The following FOXP1 variants were observed in gnomAD, a reference collection of about 807,000 sequenced individuals.
FOXP1 encodes the protein forkhead box P1.
Under a neutral mutation model 98.2 loss-of-function variants are expected in FOXP1, and 15 were observed. The observed-to-expected ratio is 0.15, with a 90% CI of 0.10 to 0.24. The LOEUF (loss-of-function observed/expected upper bound fraction) is 0.24, where lower values mean the gene tolerates loss of function less well. Among genes scored for constraint, FOXP1 ranks in the 10% least tolerant of loss-of-function variants. The pLI is 1.00. For synonymous variants in FOXP1, 371 were observed against 314.5 expected, an observed-to-expected ratio of 1.18 and a Z score of -1.90; for missense variants, 633 against 848.5, an observed-to-expected ratio of 0.75 and a Z score of 3.15.
intron 6 of FOXP1, among the ~76,000 whole-genome samples, chr3:71,138,005 C>G (rs927965770): frequency 6.6e-6 from 1 of 152,088 alleles, no homozygotes; most frequent in Non-Finnish European, 1.5e-5. Context: ...ATATATTTAT[C>G]TTTTCACAGT....
chr3:71,033,349 T>C (rs1398161655), intron 11 of FOXP1, among the ~76,000 whole-genome samples: 2 of 152,114 alleles, frequency 1.3e-5, no homozygotes, highest in Admixed American at 1.3e-4. Context: ...ATTCATATTA[T>C]ACAACATCCT....
At chr3:71,412,352 G>A (rs2082815898) in intron 3 of FOXP1, among the ~76,000 whole-genome samples, 1 of 152,120 alleles carries the variant, frequency 6.6e-6, no homozygotes, top group Non-Finnish European at 1.5e-5. Flanking sequence ...TGGGGTGAAG[G>A]GCAGGTTTCT....
At chr3:71,532,261 A>G (rs2043915756) in intron 2 of FOXP1, among the ~76,000 whole-genome samples, 1 of 152,046 alleles carries the variant, frequency 6.6e-6, no homozygotes, top group Non-Finnish European at 1.5e-5. Flanking sequence ...CACCACACCC[A>G]AATTTTTGTA....
intron 5 of FOXP1, among the ~76,000 whole-genome samples, chr3:71,223,424 G>A (rs781258064): frequency 1.2e-4 from 19 of 152,030 alleles, no homozygotes; most frequent in Middle Eastern, 3.2e-3. Context: ...AGCCGGGTGC[G>A]GTGGCTCATG....
intron 6 of FOXP1, among the ~76,000 whole-genome samples, chr3:71,166,128 C>G (rs1391718258): frequency 6.6e-6 from 1 of 152,198 alleles, no homozygotes; most frequent in Non-Finnish European, 1.5e-5. Flanking sequence ...TACTTAGCGC[C>G]TCCTTGGCCC....
chr3:71,037,878 C>A (rs1471212343), intron 11 of FOXP1, among the ~76,000 whole-genome samples: 2 of 152,194 alleles, frequency 1.3e-5, no homozygotes, highest in African/African-American at 2.4e-5. Context: ...CTCTACCCTG[C>A]GCAACAGGGA....
intron 20 of FOXP1, among the ~76,000 whole-genome samples, chr3:70,962,362 A>G (rs1003679353): frequency 6.6e-6 from 1 of 152,224 alleles, no homozygotes; most frequent in African/African-American, 2.4e-5. Context: ...TAAATTTCTA[A>G]GAATGGAATT....
intron 6 of FOXP1, among the ~76,000 whole-genome samples, chr3:71,162,172 T>A (rs2061170942): frequency 6.6e-6 from 1 of 152,330 alleles, no homozygotes; most frequent in East Asian, 1.9e-4. Flanking sequence ...TACAATTTTT[T>A]AAAATTCTGC....
chr3:71,017,195 A>T (rs2107755817), intron 11 of FOXP1, among the ~76,000 whole-genome samples: 1 of 152,284 alleles, frequency 6.6e-6, no homozygotes, highest in East Asian at 1.9e-4. Context: ...GGACTCAAGG[A>T]AAGAATTACT....
At chr3:71,271,031 G>A (rs1023162843) in intron 5 of FOXP1, among the ~76,000 whole-genome samples, 5 of 152,224 alleles carry the variant, frequency 3.3e-5, no homozygotes, top group African/African-American at 1.2e-4. Flanking sequence ...AGGAGTTCAA[G>A]ACCAGCTTGG....
intron 5 of FOXP1, among the ~76,000 whole-genome samples, chr3:71,271,417 C>T (rs1279757904): frequency 6.6e-6 from 1 of 152,122 alleles, no homozygotes; most frequent in Admixed American, 6.6e-5. Context: ...CCCACCAATT[C>T]GGTGTGATCA....
At chr3:71,237,408 T>C (rs1317122098) in intron 5 of FOXP1, among the ~76,000 whole-genome samples, 2 of 152,134 alleles carry the variant, frequency 1.3e-5, no homozygotes, top group Non-Finnish European at 2.9e-5. Flanking sequence ...ATATGGCCTA[T>C]CTTGATTGGG....
rs551762583 is a variant in FOXP1 at position 71,046,168 on chromosome 3, A to G, written c.664+774T>C. ...AATAATCCATCTGCTTTCACATTAC[A>G]TATGTGAAAGTCAGAGTTGCTTAAA... On this transcript the variant is annotated intron_variant, in intron 10 of 20. Transcript: ENST00000649528. Among the ~76,000 whole-genome samples, 14 of 152,170 alleles carry G rather than the reference A, an allele frequency of 9.2e-5. 1 individual carries two copies. In the South Asian group the frequency reaches 2.7e-3, roughly 29 times the overall value.
chr3:71,363,402 T>G (rs1383803498), intron 3 of FOXP1, among the ~76,000 whole-genome samples: 1 of 152,208 alleles, frequency 6.6e-6, no homozygotes, highest in Non-Finnish European at 1.5e-5. Flanking sequence ...GCAACATTTC[T>G]TAAGTATGTA....
chr3:71,311,646 G>T (rs185866706), intron 4 of FOXP1, among the ~76,000 whole-genome samples: 2 of 152,292 alleles, frequency 1.3e-5, no homozygotes, highest in East Asian at 3.9e-4. Flanking sequence ...TACATTGTCA[G>T]TATAGCTGGA....
intron 3 of FOXP1, among the ~76,000 whole-genome samples, chr3:71,391,464 C>T (rs1043079049): frequency 2.0e-5 from 3 of 152,228 alleles, no homozygotes; most frequent in African/African-American, 4.8e-5. Flanking sequence ...TGATGTCTTT[C>T]CTTTCTTTCA....
intron 3 of FOXP1, among the ~76,000 whole-genome samples, chr3:71,414,037 C>T (rs960889120): frequency 6.6e-6 from 1 of 151,952 alleles, no homozygotes; most frequent in South Asian, 2.1e-4. Context: ...TCCTAGGCTG[C>T]GGAGGCTCAT....
chr3:71,088,606 T>A (rs1427325452), intron 7 of FOXP1, among the ~76,000 whole-genome samples: 2 of 152,190 alleles, frequency 1.3e-5, no homozygotes, highest in African/African-American at 4.8e-5. Context: ...TCTTGAACTT[T>A]CACCTGTCTA....
chr3:71,150,268 A>G (rs1051572431), intron 6 of FOXP1, among the ~76,000 whole-genome samples: 1 of 152,234 alleles, frequency 6.6e-6, no homozygotes, highest in African/African-American at 2.4e-5. Flanking sequence ...CAATGCATGC[A>G]TCTCTATTTT....
Sources: gnomAD v4.1 joint callset for allele counts (sites outside exome capture counted in the v4.1 genomes callset) on GRCh38, gnomAD v4.1.1 for gene constraint, MANE v1.5 for transcripts, NCBI Gene and HGNC (gene_info 2026-07-23, HGNC 2026-07-21) for gene names.